KLF13: variants seen among roughly 807,000 people sequenced by gnomAD.
The protein encoded by KLF13 is Krueppel-like factor 13.
A neutral mutation model predicts 16.7 loss-of-function variants in KLF13; 8 were observed. The ratio of observed to expected loss-of-function variants is 0.48; its 90% CI spans 0.28 to 0.87. The LOEUF is 0.87. Among genes scored for constraint, KLF13 ranks in the 40% least tolerant of loss-of-function variants. KLF13 has a pLI of 0.10. For synonymous variants in KLF13, 245 were observed against 208.4 expected (o/e 1.18, Z -1.51); for missense variants, 447 against 452.2 (o/e 0.99, Z 0.10).
At chr15:31,388,745 C>T (rs944041070), upstream of KLF13, among the ~76,000 whole-genome samples, 29 of 118,066 alleles carry the variant, frequency 2.5e-4, no homozygotes, top group Non-Finnish European at 3.4e-4. Flanking sequence ...ATCATACATA[C>T]GAACAAGGTT....
chr15:31,357,864 C>A (rs1048074542), intron 1 of KLF13, among the ~76,000 whole-genome samples: 8 of 152,174 alleles, frequency 5.3e-5, no homozygotes, highest in Admixed American at 2.6e-4. Flanking sequence ...TGGATTGCTT[C>A]CTTGCCTTCT....
intron 1 of KLF13, chr15:31,420,377 G>C: frequency 8.7e-7 from 1 of 1,146,004 alleles, no homozygotes; most frequent in Non-Finnish European, 1.3e-6. Context: ...GCTCTTGCTA[G>C]AGTTCCCCAG....
intron 1 of KLF13, among the ~76,000 whole-genome samples, chr15:31,371,696 T>C (rs2039556589): frequency 6.6e-6 from 1 of 152,186 alleles, no homozygotes; most frequent in Non-Finnish European, 1.5e-5. Context: ...GCCTGCTTTG[T>C]GGTGTACTTA....
chr15:31,431,045 G>T (rs963616113), intron 1 of KLF13, among the ~76,000 whole-genome samples: 1 of 152,190 alleles, frequency 6.6e-6, no homozygotes, highest in African/African-American at 2.4e-5. Context: ...GGTATTTGGA[G>T]ATGGGGCATG....
At chr15:31,380,796 G>T (rs1168091273), downstream of KLF13, among the ~76,000 whole-genome samples, 2 of 152,310 alleles carry the variant, frequency 1.3e-5, no homozygotes, top group South Asian at 2.1e-4. Context: ...CCACCGTTAC[G>T]CATCAGAGAC....
intron 1 of KLF13, among the ~76,000 whole-genome samples, chr15:31,419,256 A>C (rs1331075362): frequency 7.3e-6 from 1 of 136,790 alleles, no homozygotes; most frequent in East Asian, 2.2e-4. Context: ...ATAATAAGGC[A>C]TGTGAAGAAA....
At chr15:31,430,338 G>T (rs947063458) in intron 1 of KLF13, among the ~76,000 whole-genome samples, 2 of 152,142 alleles carry the variant, frequency 1.3e-5, no homozygotes, top group African/African-American at 4.8e-5. Context: ...GGGTGTCTTA[G>T]TCTGTGTCAT....
chr15:31,427,282 C>T (rs886840239), intron 1 of KLF13, among the ~76,000 whole-genome samples: 33 of 151,730 alleles, frequency 2.2e-4, no homozygotes, highest in African/African-American at 8.0e-4. Context: ...AAATGAAAAC[C>T]ACAGTGAAAT....
Position 31,373,352 on chromosome 15 carries a change from G to A in KLF13, c.*1053G>A, listed in dbSNP as rs2039587961. 1 of 152,302 alleles carries A rather than the reference G, an allele frequency of 6.6e-6. No individual in the cohort carries two copies. Among genetic ancestry groups the A allele is most frequent in the South Asian group, 2.1e-4 (1 of 4,838 alleles). 9.4% of individuals were successfully genotyped at this position (152,302 alleles called of 1,614,324 possible). On this transcript the variant is annotated 3_prime_UTR_variant, in exon 2 of 2. Coordinates refer to ENST00000307145, the MANE Select transcript of KLF13 (RefSeq NM_015995.4). The stretch of plus-strand genomic sequence containing the variant: ...CATGCTTCACAGAGACCATTCTGTA[G>A]CAAGAGACCGGAACATTGTGACTTG...
chr15:31,339,036 C>T (rs1171398322), intron 1 of KLF13, among the ~76,000 whole-genome samples: 1 of 152,136 alleles, frequency 6.6e-6, no homozygotes, highest in Non-Finnish European at 1.5e-5. Flanking sequence ...CTTCCTTCTT[C>T]CGCCCTCTGG....
chr15:31,352,955 C>T (rs758878373), intron 1 of KLF13, among the ~76,000 whole-genome samples: 125 of 152,240 alleles, frequency 8.2e-4, no homozygotes, highest in Non-Finnish European at 9.9e-4. Context: ...CCCACCTCCC[C>T]GTCTGTATGC....
chr15:31,404,126 G>T, exon 3 of KLF13: 1 of 152,338 alleles, frequency 6.6e-6, no homozygotes. Context: ...AAGGAGAGTG[G>T]GGCACAGGCA....
intron 1 of KLF13, among the ~76,000 whole-genome samples, chr15:31,414,997 C>T (rs539137038): frequency 6.6e-6 from 1 of 152,238 alleles, no homozygotes; most frequent in South Asian, 2.1e-4. Context: ...TTGGTGCTAT[C>T]CTCATATTAA....
chr15:31,425,209 C>T (rs1020254134), intron 1 of KLF13, among the ~76,000 whole-genome samples: 11 of 152,078 alleles, frequency 7.2e-5, no homozygotes, highest in Non-Finnish European at 1.6e-4. Flanking sequence ...GTTCATACTA[C>T]CCAAAGAAAT....
At position 31,368,530 on chromosome 15, in the gene KLF13, G is replaced by C. The variant is rs145779239; in HGVS notation, c.578-3480G>C. Among the ~76,000 whole-genome samples, 86 of 152,222 alleles carry C rather than the reference G, an allele frequency of 5.6e-4. 1 individual carries two copies. In the East Asian group the frequency reaches 0.015, roughly 27 times the overall value. On this transcript the variant is annotated intron_variant, in intron 1 of 1. Coordinates refer to ENST00000307145, the MANE Select transcript of KLF13 (RefSeq NM_015995.4). The stretch of plus-strand genomic sequence containing the variant: ...CTATATTTAAACACTTCTTCTTCTT[G>C]TTATGGAAGAAACAAATACATAGGA...
chr15:31,361,295 T>C (rs2039380342), intron 1 of KLF13, among the ~76,000 whole-genome samples: 1 of 152,054 alleles, frequency 6.6e-6, no homozygotes, highest in Non-Finnish European at 1.5e-5. Flanking sequence ...AGAATGTCTT[T>C]CTTCCCGGTG....
At chr15:31,429,706 T>C (rs968509849) in intron 1 of KLF13, among the ~76,000 whole-genome samples, 2 of 120,764 alleles carry the variant, frequency 1.7e-5, no homozygotes, top group Non-Finnish European at 3.4e-5. Flanking sequence ...TTTATTTATT[T>C]ATTTATTTAT....
intron 1 of KLF13, among the ~76,000 whole-genome samples, chr15:31,433,480 G>A (rs1003096578): frequency 3.4e-4 from 52 of 152,220 alleles, no homozygotes; most frequent in African/African-American, 1.2e-3. Flanking sequence ...TTCTCTCAGG[G>A]AGTCCACTCT....
intron 1 of KLF13, among the ~76,000 whole-genome samples, chr15:31,356,275 C>T (rs768249098): frequency 2.0e-5 from 3 of 152,138 alleles, no homozygotes; most frequent in East Asian, 1.9e-4. Flanking sequence ...GAGAACTGGC[C>T]GGGCGCGGTG....
Sources: gnomAD v4.1 joint callset for allele counts (sites outside exome capture counted in the v4.1 genomes callset) on GRCh38, gnomAD v4.1.1 for gene constraint, MANE v1.5 for transcripts, NCBI Gene and HGNC (gene_info 2026-07-23, HGNC 2026-07-21) for gene names.